The following ST7L variants were observed in gnomAD, a reference collection of about 807,000 sequenced individuals.
ST7L encodes suppression of tumorigenicity 7 like, also known as suppressor of tumorigenicity 7 protein-like.
In ST7L, 57 loss-of-function variants were observed where a neutral mutation model predicts 72.5. That is an observed-to-expected ratio of 0.79 (90% CI 0.64 to 0.98). The LOEUF is 0.98. Ranked by LOEUF, ST7L falls within the 50% of genes least tolerant of loss-of-function variation. The pLI is 0.00. For missense variants in ST7L, 576 were observed against 672.2 expected, an observed-to-expected ratio of 0.86 and a Z score of 1.58; for synonymous variants, 221 against 240.9, an observed-to-expected ratio of 0.92 and a Z score of 0.77.
At chr1:112,599,074 ATAT>A (rs1406818060) in intron 4 of ST7L, among the ~76,000 whole-genome samples, 1,611 of 40,022 alleles carry the variant, frequency 0.04, 139 homozygotes, top group Middle Eastern at 0.067. Flanking sequence ...AAAAAAAAAA[ATAT>A]ATATATATAT....
intron 4 of ST7L, among the ~76,000 whole-genome samples, chr1:112,598,872 C>A (rs1666895139): frequency 6.7e-6 from 1 of 150,096 alleles, no homozygotes; most frequent in South Asian, 2.1e-4. Context: ...CCAGCCTGGC[C>A]AATATAGTAA....
chr1:112,599,073 A>AAAAAAAATAT (rs1190968815), intron 4 of ST7L, among the ~76,000 whole-genome samples: 29 of 56,998 alleles, frequency 5.1e-4, no homozygotes, highest in African/African-American at 6.8e-4. Flanking sequence ...AAAAAAAAAA[A>AAAAAAAATAT]ATATATATAT....
rs913213459 is a variant in ST7L at position 112,602,301 on chromosome 1, G to A, written c.452-1453C>T. 3.3e-5 allele frequency among the ~76,000 whole-genome samples: 5 copies of A among 152,096 alleles called. No homozygotes were observed. In the East Asian group the frequency reaches 9.6e-4, roughly 29 times the overall value. On this transcript the variant is annotated intron_variant, in intron 3 of 14. Transcript: ENST00000358039. Reference sequence around the variant, plus strand: ...AACAATTCTTCAAAATAAATTCTAAGACATTATTTGCCTTTTTAAATGTGT... The same window carrying A: ...AACAATTCTTCAAAATAAATTCTAAAACATTATTTGCCTTTTTAAATGTGT...
In ST7L at chr1:112,563,389, G is replaced by A. The variant is rs375924810; in HGVS notation, c.1246-7371C>T. Among the ~76,000 whole-genome samples, 58 of 152,278 alleles carry A rather than the reference G, an allele frequency of 3.8e-4. 1 individual carries two copies. In the East Asian group the frequency reaches 9.4e-3, roughly 25 times the overall value. On this transcript the variant is annotated intron_variant, in intron 11 of 14. Transcript: ENST00000358039. ...TTAAAGTGTTTGAGGTACTTAACAT[G>A]TGATTTCCACAACCAGATGGAAATG... is the stretch of plus-strand genomic sequence containing the variant.
chr1:112,595,314 G>A (rs971182930), intron 5 of ST7L, among the ~76,000 whole-genome samples: 3 of 134,348 alleles, frequency 2.2e-5, no homozygotes, highest in Admixed American at 8.6e-5. Context: ...GTGGTGAGCC[G>A]AGATTGCACC....
At chr1:112,553,172 A>G (rs866991989) in intron 12 of ST7L, among the ~76,000 whole-genome samples, 17 of 152,116 alleles carry the variant, frequency 1.1e-4, no homozygotes, top group African/African-American at 4.1e-4. Flanking sequence ...AGTAAGTTGA[A>G]TTACTCAAAG....
intron 3 of ST7L, among the ~76,000 whole-genome samples, chr1:112,609,130 C>G (rs140112146): frequency 9.9e-5 from 15 of 152,168 alleles, no homozygotes; most frequent in African/African-American, 3.4e-4. Context: ...AGTTCGAGAC[C>G]AGCCTGGGCA....
Position 112,577,265 on chromosome 1 carries a change from ATGCT to A in ST7L, c.1143-181_1143-178del, listed in dbSNP as rs560806717. ...TAAAGCTGGCCGGGCGCAGTGGCTC[ATGCT>A]TGTAATCCCAGCACTTTGGGAGGCT... On this transcript the variant is annotated intron_variant, in intron 10 of 14. Transcript: ENST00000358039. Among the ~76,000 whole-genome samples, 90 of 151,484 alleles carry A rather than the reference ATGCT, an allele frequency of 5.9e-4. 1 individual carries two copies. In the South Asian group the frequency reaches 0.018, roughly 31 times the overall value.
chr1:112,549,321 A>C (rs1278640642), intron 13 of ST7L, among the ~76,000 whole-genome samples: 1 of 152,170 alleles, frequency 6.6e-6, no homozygotes, highest in Non-Finnish European at 1.5e-5. Flanking sequence ...TGAACCCAGG[A>C]GGCGGAGGTT....
chr1:112,564,302 T>C (rs553251403), intron 11 of ST7L, among the ~76,000 whole-genome samples: 32 of 152,228 alleles, frequency 2.1e-4, no homozygotes, highest in Admixed American at 1.2e-3. Context: ...CCTCAAGATA[T>C]AAGCATTTCA....
Position 112,578,437 on chromosome 1 carries a change from T to G in ST7L, c.1070-20A>C. On this transcript the variant is annotated intron_variant, in intron 9 of 14. Coordinates refer to ENST00000358039, the MANE Select transcript of ST7L (RefSeq NM_017744.5). ...TTATATCTGTAACGATAATTTTCAA[T>G]TTAGGTAGGAATTACAAAAAAGGTA... 1 of 1,610,284 alleles carries G rather than the reference T, an allele frequency of 6.2e-7. No individual in the cohort carries two copies. The highest frequency in any genetic ancestry group is 1.3e-5 in the African/African-American group (1 of 74,934).
At chr1:112,543,146 T>C (rs1431214101) in intron 13 of ST7L, among the ~76,000 whole-genome samples, 1 of 152,184 alleles carries the variant, frequency 6.6e-6, no homozygotes, top group African/African-American at 2.4e-5. Flanking sequence ...AAGACTAGTA[T>C]GGAGAAAGAG....
intron 14 of ST7L, chr1:112,529,160 G>A (rs1403770664): frequency 6.6e-6 from 1 of 152,180 alleles, no homozygotes; most frequent in Non-Finnish European, 1.5e-5. Context: ...CACTGAGTGT[G>A]TGTGTGTTTG....
chr1:112,543,833 C>T (rs1656603797), intron 13 of ST7L, among the ~76,000 whole-genome samples: 1 of 135,990 alleles, frequency 7.4e-6, no homozygotes. Context: ...CATGCCACTG[C>T]ACTCTAGCCT....
intron 14 of ST7L, chr1:112,528,776 T>C (rs891670821): frequency 6.6e-6 from 1 of 152,214 alleles, no homozygotes; most frequent in Non-Finnish European, 1.5e-5. Flanking sequence ...CTACTTGGTA[T>C]ATTGAATTTT....
chr1:112,533,500 A>G (rs1654718376), intron 14 of ST7L, among the ~76,000 whole-genome samples: 1 of 151,884 alleles, frequency 6.6e-6, no homozygotes, highest in South Asian at 2.1e-4. Flanking sequence ...TATTTTTAGT[A>G]GAGACGCGGT....
At chr1:112,526,165 A>T (rs1653344686) in intron 14 of ST7L, 54 bp from the exon 15 acceptor site, 6 of 1,610,640 alleles carry the variant, frequency 3.7e-6, no homozygotes, top group Admixed American at 3.3e-5. Flanking sequence ...GTCCCAGGAC[A>T]GCCAAGAGAG....
intron 10 of ST7L, among the ~76,000 whole-genome samples, 197 bp from the exon 11 acceptor site, chr1:112,577,285 T>C (rs1571132553): frequency 6.7e-6 from 1 of 149,886 alleles, no homozygotes; most frequent in South Asian, 2.1e-4. Flanking sequence ...TCCCAGCACT[T>C]TGGGAGGCTG....
intron 2 of ST7L, among the ~76,000 whole-genome samples, chr1:112,613,095 G>T (rs1427775245): frequency 6.6e-6 from 1 of 151,954 alleles, no homozygotes; most frequent in African/African-American, 2.4e-5. Context: ...CTCCAGCCTG[G>T]GTGACAGAGT....
Sources: gnomAD v4.1 joint callset for allele counts (sites outside exome capture counted in the v4.1 genomes callset) on GRCh38, gnomAD v4.1.1 for gene constraint, MANE v1.5 for transcripts, NCBI Gene and HGNC (gene_info 2026-07-23, HGNC 2026-07-21) for gene names.